The following AGBL1 variants were observed in gnomAD, a reference collection of about 807,000 sequenced individuals.
The protein encoded by AGBL1 is AGBL carboxypeptidase 1.
AGBL1 carries 130 observed loss-of-function variants against 118.9 expected under a neutral mutation model. That is an observed-to-expected ratio of 1.09 (90% confidence interval 0.95 to 1.26). The LOEUF (loss-of-function observed/expected upper bound fraction) is 1.26. Ranked by LOEUF, AGBL1 falls within the 50% of genes most tolerant of loss-of-function variation. The pLI, the probability that AGBL1 is intolerant of heterozygous loss-of-function variation, is 0.00. For missense variants in AGBL1, 1,584 were observed against 1,298.1 expected (o/e 1.22, Z -3.38); for synonymous variants, 555 against 478.9 (o/e 1.16, Z -2.08).
At chr15:86,957,726 C>T (rs922295009) in intron 23 of AGBL1, among the ~76,000 whole-genome samples, 1 of 151,930 alleles carries the variant, frequency 6.6e-6, no homozygotes, top group Non-Finnish European at 1.5e-5. Context: ...GTAGATTTAT[C>T]CCTTAATAAA....
At chr15:86,365,219 G>A (rs1271151290) in intron 17 of AGBL1, among the ~76,000 whole-genome samples, 2 of 151,886 alleles carry the variant, frequency 1.3e-5, no homozygotes, top group African/African-American at 2.4e-5. Flanking sequence ...TTTTAAAATT[G>A]GATTAATTAG....
chr15:86,889,796 T>A (rs989952959), intron 22 of AGBL1, among the ~76,000 whole-genome samples: 4 of 152,236 alleles, frequency 2.6e-5, no homozygotes, highest in Non-Finnish European at 2.9e-5. Flanking sequence ...CGTCTATCAT[T>A]GATGGGCATG....
chr15:86,530,252 G>A (rs1442385037), intron 19 of AGBL1, among the ~76,000 whole-genome samples: 4 of 126,682 alleles, frequency 3.2e-5, no homozygotes, highest in Admixed American at 1.5e-4. Context: ...GAAAATAAAA[G>A]GATGGAGGAA....
At chr15:86,696,399 A>G (rs1344037174) in intron 22 of AGBL1, among the ~76,000 whole-genome samples, 1 of 150,582 alleles carries the variant, frequency 6.6e-6, no homozygotes, top group African/African-American at 2.4e-5. Flanking sequence ...AAGAATAGCT[A>G]CTCCTGCTTG....
chr15:86,905,169 T>A (rs2080265256), intron 22 of AGBL1, among the ~76,000 whole-genome samples: 1 of 149,156 alleles, frequency 6.7e-6, no homozygotes, highest in South Asian at 2.1e-4. Context: ...ATATTACATC[T>A]GGTATGTCTA....
At chr15:86,212,403 C>T (rs2078113819) in intron 5 of AGBL1, among the ~76,000 whole-genome samples, 1 of 152,104 alleles carries the variant, frequency 6.6e-6, no homozygotes. Flanking sequence ...TGGAATTGAG[C>T]TGGATGATAT....
At chr15:86,380,797 A>G (rs1337827010) in intron 17 of AGBL1, among the ~76,000 whole-genome samples, 1 of 152,220 alleles carries the variant, frequency 6.6e-6, no homozygotes, top group East Asian at 1.9e-4. Context: ...TTCTCATTTG[A>G]ATCCTCTTTG....
intron 22 of AGBL1, among the ~76,000 whole-genome samples, chr15:86,760,381 G>C (rs528863502): frequency 6.6e-6 from 1 of 151,954 alleles, no homozygotes; most frequent in Admixed American, 6.6e-5. Context: ...CTCCACACCC[G>C]CATTCTCCTA....
chr15:86,811,228 T>C lies in AGBL1; in HGVS notation c.3159-95859T>C, dbSNP rs2078783381. On this transcript the variant is annotated intron_variant, in intron 22 of 22. Coordinates refer to ENST00000614907, the MANE Select transcript of AGBL1 (RefSeq NM_001386094.1). Reference sequence around the variant, plus strand: ...GCCAAGGAACTCAGTCTTCTTCCTATTGGTAGTGGTGAACCATCAGAAATG... The same window carrying C: ...GCCAAGGAACTCAGTCTTCTTCCTACTGGTAGTGGTGAACCATCAGAAATG... Among the ~76,000 whole-genome samples the C allele has an allele frequency of 5.3e-5, 8 of 152,190 alleles. No homozygotes were observed. In the South Asian group the frequency reaches 8.3e-4, roughly 16 times the overall value.
chr15:86,859,349 T>A (rs1420424287), intron 22 of AGBL1, among the ~76,000 whole-genome samples: 1 of 152,176 alleles, frequency 6.6e-6, no homozygotes, highest in Non-Finnish European at 1.5e-5. Context: ...AGCATTAGTG[T>A]GCCAGGTGCT....
chr15:86,507,879 C>G (rs1050965530), intron 18 of AGBL1, among the ~76,000 whole-genome samples: 9 of 152,076 alleles, frequency 5.9e-5, no homozygotes, highest in African/African-American at 2.2e-4. Context: ...GATAAAGATG[C>G]CTCAAAGATG....
chr15:86,646,986 G>A (rs1033805269), intron 21 of AGBL1, among the ~76,000 whole-genome samples: 3 of 151,948 alleles, frequency 2.0e-5, no homozygotes, highest in Non-Finnish European at 4.4e-5. Context: ...ATGACTTAAT[G>A]TATTTGAACA....
At chr15:86,534,724 T>C (rs2083401025) in intron 19 of AGBL1, among the ~76,000 whole-genome samples, 1 of 152,224 alleles carries the variant, frequency 6.6e-6, no homozygotes, top group African/African-American at 2.4e-5. Flanking sequence ...TGAACTATGA[T>C]ATAGTCAATA....
chr15:86,099,419 C>T, intron 1 of AGBL1, among the ~76,000 whole-genome samples: 1 of 152,078 alleles, frequency 6.6e-6, no homozygotes, highest in South Asian at 2.1e-4. Flanking sequence ...TATCCTGTCA[C>T]TTTACTGAAA....
intron 17 of AGBL1, among the ~76,000 whole-genome samples, chr15:86,357,296 T>C (rs1259496671): frequency 6.6e-6 from 1 of 152,186 alleles, no homozygotes; most frequent in African/African-American, 2.4e-5. Context: ...AATTAGCTAA[T>C]TTGTGTGATA....
chr15:86,110,553 G>A (rs1897317185), intron 1 of AGBL1, among the ~76,000 whole-genome samples: 1 of 152,074 alleles, frequency 6.6e-6, no homozygotes. Context: ...TCTCAGGGGT[G>A]GCAGAGGGGG....
At chr15:86,789,393 G>T (rs943622574) in intron 22 of AGBL1, among the ~76,000 whole-genome samples, 1 of 152,198 alleles carries the variant, frequency 6.6e-6, no homozygotes. Flanking sequence ...CATCACCGCA[G>T]CTTGTACTTT....
At chr15:86,811,028 A>G (rs1041484411) in intron 22 of AGBL1, among the ~76,000 whole-genome samples, 1 of 152,224 alleles carries the variant, frequency 6.6e-6, no homozygotes, top group Non-Finnish European at 1.5e-5. Flanking sequence ...AAGCAGATGG[A>G]TCAAGGAAGG....
At chr15:86,987,399 G>C (rs1335101914) in intron 23 of AGBL1, among the ~76,000 whole-genome samples, 1 of 152,124 alleles carries the variant, frequency 6.6e-6, no homozygotes, top group Non-Finnish European at 1.5e-5. Context: ...AAACCTTTTA[G>C]GTAGATGTTT....
Sources: allele counts gnomAD v4.1 joint callset (sites outside exome capture counted in the v4.1 genomes callset), GRCh38; gene constraint gnomAD v4.1.1; transcripts MANE v1.5; gene names NCBI Gene and HGNC (gene_info 2026-07-23, HGNC 2026-07-21).